Variants in SPATA17 observed in about 807,000 individuals in gnomAD.
SPATA17 encodes the protein spermatogenesis associated 17, also known as spermatogenesis-associated protein 17.
SPATA17 carries 53 observed loss-of-function variants against 62.2 expected under a neutral mutation model. The ratio of observed to expected loss-of-function variants is 0.85; its 90% CI spans 0.68 to 1.07. The LOEUF is 1.07. SPATA17 is among the 50% of genes least tolerant of loss of function. The pLI is 0.00. For missense variants in SPATA17, 466 were observed against 425.5 expected (o/e 1.10, Z -0.84); for synonymous variants, 146 against 146.8 (o/e 0.99, Z 0.04).
At chr1:217,758,333 A>G (rs1027033236) in intron 6 of SPATA17, among the ~76,000 whole-genome samples, 8 of 152,028 alleles carry the variant, frequency 5.3e-5, no homozygotes, top group Admixed American at 2.6e-4. Context: ...ATCGCTTAGG[A>G]AAAAAAAGCT....
chr1:217,845,599 G>GT (rs1216659171), intron 9 of SPATA17, among the ~76,000 whole-genome samples: 4 of 152,042 alleles, frequency 2.6e-5, no homozygotes, highest in African/African-American at 9.6e-5. Flanking sequence ...GCAATTTTAT[G>GT]TTTTTCATTC....
intron 9 of SPATA17, among the ~76,000 whole-genome samples, chr1:217,808,956 G>A (rs901482391): frequency 6.6e-6 from 1 of 152,038 alleles, no homozygotes; most frequent in Admixed American, 6.6e-5. Context: ...GCAACATAAA[G>A]GGAAAGCATC....
chr1:217,809,937 T>C (rs1259716662), intron 9 of SPATA17, among the ~76,000 whole-genome samples: 2 of 152,250 alleles, frequency 1.3e-5, no homozygotes, highest in East Asian at 3.8e-4. Flanking sequence ...GTGATCTGTA[T>C]CCCATTTTCT....
chr1:217,689,695 A>G (rs1184244341), intron 5 of SPATA17, among the ~76,000 whole-genome samples: 1 of 152,004 alleles, frequency 6.6e-6, no homozygotes, highest in Non-Finnish European at 1.5e-5. Flanking sequence ...TTCCCTTTCA[A>G]TATCTCCTGG....
intron 5 of SPATA17, among the ~76,000 whole-genome samples, chr1:217,713,015 A>G (rs780873254): frequency 8.5e-5 from 13 of 152,146 alleles, no homozygotes; most frequent in Non-Finnish European, 1.6e-4. Context: ...ACAGAAATGA[A>G]GAAATACCCC....
intron 5 of SPATA17, among the ~76,000 whole-genome samples, chr1:217,707,499 G>A (rs950044727): frequency 1.3e-5 from 2 of 152,082 alleles, no homozygotes; most frequent in African/African-American, 2.4e-5. Context: ...TCCTTATCGT[G>A]TTCTATTTCT....
At chr1:217,642,074 C>T (rs12118125) in intron 1 of SPATA17, among the ~76,000 whole-genome samples, 20,979 of 152,084 alleles carry the variant, frequency 0.14, 1,595 homozygotes, top group Non-Finnish European at 0.18. Context: ...TTATGCACCC[C>T]AGGCAGGACT....
At chr1:217,778,972 TAGTA>T (rs1201971555) in intron 7 of SPATA17, among the ~76,000 whole-genome samples, 1 of 152,150 alleles carries the variant, frequency 6.6e-6, no homozygotes, top group Non-Finnish European at 1.5e-5. Context: ...TAAGTGTATT[TAGTA>T]TGTATGGAAT....
chr1:217,859,529 T>C (rs1292867064), intron 9 of SPATA17, among the ~76,000 whole-genome samples: 3 of 151,978 alleles, frequency 2.0e-5, no homozygotes, highest in Admixed American at 6.6e-5. Context: ...CACCTCAGCT[T>C]CCTAAGTAGC....
chr1:217,771,951 T>C (rs79207690), intron 6 of SPATA17, among the ~76,000 whole-genome samples: 545 of 152,314 alleles, frequency 3.6e-3, no homozygotes, highest in Non-Finnish European at 5.5e-3. Flanking sequence ...CTAAATTGTA[T>C]GTATTTTACC....
Position 217,835,879 on chromosome 1 carries a change from G to A in SPATA17, c.1006-26895G>A, listed in dbSNP as rs181835936. ...GAGATATCTTTTCAAGTTGTTGCAT[G>A]TCTGACAACCCATGGCTCCACCTGG... On this transcript the variant is annotated intron_variant, in intron 9 of 10. Transcript: ENST00000366933. Among the ~76,000 whole-genome samples the A allele has an allele frequency of 8.3e-3, 1,263 of 152,142 alleles. 7 individuals are homozygous for A. The highest frequency in any genetic ancestry group is 0.013 in the Admixed American group (192 of 15,240).
intron 5 of SPATA17, among the ~76,000 whole-genome samples, chr1:217,696,191 C>G (rs897315532): frequency 3.3e-5 from 5 of 152,226 alleles, no homozygotes; most frequent in Non-Finnish European, 5.9e-5. Context: ...GATATAGTCT[C>G]GTGGTGCACC....
At chr1:217,660,401 T>C (rs1167150189) in intron 3 of SPATA17, among the ~76,000 whole-genome samples, 1 of 152,218 alleles carries the variant, frequency 6.6e-6, no homozygotes, top group African/African-American at 2.4e-5. Flanking sequence ...AAAGGCCTAC[T>C]GAAATTTTTA....
intron 5 of SPATA17, among the ~76,000 whole-genome samples, chr1:217,703,736 C>G (rs1233623315): frequency 6.6e-6 from 1 of 152,088 alleles, no homozygotes. Context: ...ATTGACTTGT[C>G]TCTAATCTCT....
intron 5 of SPATA17, among the ~76,000 whole-genome samples, chr1:217,697,193 C>T (rs1671479069): frequency 6.6e-6 from 1 of 152,110 alleles, no homozygotes; most frequent in Non-Finnish European, 1.5e-5. Flanking sequence ...TTAGTAGAGG[C>T]TGGTGTTGAA....
chr1:217,729,492 T>C (rs1672346445), intron 5 of SPATA17, among the ~76,000 whole-genome samples: 1 of 152,246 alleles, frequency 6.6e-6, no homozygotes, highest in Non-Finnish European at 1.5e-5. Context: ...ACAGGTTCTT[T>C]TATAGTAAAG....
chr1:217,864,640 A>G lies in SPATA17; in HGVS notation c.*2+1784A>G, dbSNP rs1361356812. On this transcript the variant is annotated intron_variant, in intron 10 of 10. Transcript: ENST00000366933. ...TAATGGTGGTTATCTCTGGGTGGTG[A>G]GATTATGAGTACTTTCTGTGGGATA... Among the ~76,000 whole-genome samples, 128 of 152,116 alleles carry G rather than the reference A, an allele frequency of 8.4e-4. No homozygotes were observed. In the East Asian group the frequency reaches 0.015, roughly 17 times the overall value.
At chr1:217,723,840 G>A (rs1425258607) in intron 5 of SPATA17, among the ~76,000 whole-genome samples, 1 of 152,174 alleles carries the variant, frequency 6.6e-6, no homozygotes, top group Non-Finnish European at 1.5e-5. Flanking sequence ...CATAACAGGA[G>A]TTAGATAGAT....
intron 5 of SPATA17, among the ~76,000 whole-genome samples, chr1:217,740,314 AT>A (rs1672601243): frequency 6.6e-6 from 1 of 151,958 alleles, no homozygotes; most frequent in Admixed American, 6.6e-5. Context: ...CTGAGTAATT[AT>A]CTTTATAGTG....
Sources: gnomAD v4.1 joint callset for allele counts (sites outside exome capture counted in the v4.1 genomes callset) on GRCh38, gnomAD v4.1.1 for gene constraint, MANE v1.5 for transcripts, NCBI Gene and HGNC (gene_info 2026-07-23, HGNC 2026-07-21) for gene names.